The following SAMD4A variants were observed in gnomAD, a reference collection of about 807,000 sequenced individuals.
SAMD4A encodes protein Smaug homolog 1.
A neutral mutation model predicts 81.3 loss-of-function variants in SAMD4A; 33 were observed. The ratio of observed to expected loss-of-function variants is 0.41; its 90% CI spans 0.31 to 0.54. The LOEUF (loss-of-function observed/expected upper bound fraction) is 0.54, where lower values mean the gene tolerates loss of function less well. Among genes scored for constraint, SAMD4A ranks in the 20% least tolerant of loss-of-function variants. The pLI, the probability that SAMD4A is intolerant of heterozygous loss-of-function variation, is 0.37. For missense variants in SAMD4A, 854 were observed against 951.1 expected (o/e 0.90, Z 1.34); for synonymous variants, 389 against 382.1 (o/e 1.02, Z -0.21).
At chr14:54,723,036 G>C (rs1269535397) in intron 3 of SAMD4A, among the ~76,000 whole-genome samples, 6 of 152,028 alleles carry the variant, frequency 3.9e-5, no homozygotes, top group Non-Finnish European at 8.8e-5. Context: ...TCATTTCTGG[G>C]AGAACCATTC....
At chr14:54,713,235 T>C (rs1323224022) in intron 3 of SAMD4A, among the ~76,000 whole-genome samples, 1 of 152,164 alleles carries the variant, frequency 6.6e-6, no homozygotes, top group African/African-American at 2.4e-5. Context: ...TTCACGGTCT[T>C]AGGTACCGAG....
Position 54,737,133 on chromosome 14 carries a change from C to T in SAMD4A, c.825C>T (p.Asp275=), listed in dbSNP as rs1261470363. ...GACATGGATGGATGTCTCATGAGGACTTACGAGCTAGAGGACCCCAGTGCC... is the reference window on the plus strand; with the variant it reads ...GACATGGATGGATGTCTCATGAGGATTTACGAGCTAGAGGACCCCAGTGCC... ...PLGHGWMSHE[D]LRARGPQCLP... The change falls in exon 4 of 13, where the codon GAC becomes GAT. Residue 275 remains aspartate (D), a synonymous_variant. Coordinates refer to ENST00000554335, the MANE Select transcript of SAMD4A (RefSeq NM_015589.6). 3.7e-6 allele frequency: 6 copies of T among 1,614,120 alleles called. No individual in the cohort carries two copies. Among genetic ancestry groups the T allele is most frequent in the Non-Finnish European group, 4.2e-6 (5 of 1,180,012 alleles).
At chr14:54,696,649 C>G (rs1216158234) in intron 2 of SAMD4A, among the ~76,000 whole-genome samples, 3 of 152,178 alleles carry the variant, frequency 2.0e-5, no homozygotes, top group Non-Finnish European at 2.9e-5. Context: ...TAATACCAGA[C>G]TTGGTATTTA....
chr14:54,596,994 A>G (rs763606551), intron 2 of SAMD4A, among the ~76,000 whole-genome samples: 20 of 152,208 alleles, frequency 1.3e-4, no homozygotes, highest in Non-Finnish European at 1.9e-4. Context: ...AGGGAGCCCC[A>G]TGCAGAAGTG....
At chr14:54,608,032 A>G (rs2034260721) in intron 2 of SAMD4A, among the ~76,000 whole-genome samples, 1 of 151,900 alleles carries the variant, frequency 6.6e-6, no homozygotes, top group African/African-American at 2.4e-5. Flanking sequence ...AAAAAAAAAA[A>G]AAAATTGGAA....
At position 54,614,664 on chromosome 14, in the gene SAMD4A, A is replaced by G. The variant is rs113651553; in HGVS notation, c.196+46552A>G. 1.9e-3 allele frequency among the ~76,000 whole-genome samples: 291 copies of G among 152,350 alleles called. 2 individuals are homozygous for G. The highest frequency in any genetic ancestry group is 0.013 in the South Asian group (63 of 4,820). On this transcript the variant is annotated intron_variant, in intron 2 of 12. Coordinates refer to ENST00000554335, the MANE Select transcript of SAMD4A (RefSeq NM_015589.6). Reference sequence around the variant, plus strand: ...CATAAAGTGTTTCAGGTTGCCTATAATAGTTTAATAAAAGCAAGTGGTTTT... The same window carrying G: ...CATAAAGTGTTTCAGGTTGCCTATAGTAGTTTAATAAAAGCAAGTGGTTTT...
At chr14:54,784,814 CCAGT>C (rs1231357755) in intron 12 of SAMD4A, among the ~76,000 whole-genome samples, 194 bp downstream of exon 12, 1 of 152,144 alleles carries the variant, frequency 6.6e-6, no homozygotes, top group East Asian at 1.9e-4. Flanking sequence ...TGCCAAGTGG[CCAGT>C]GCCCTGTTTC....
intron 2 of SAMD4A, among the ~76,000 whole-genome samples, chr14:54,676,097 G>C (rs1294688584): frequency 6.6e-6 from 1 of 152,196 alleles, no homozygotes; most frequent in Non-Finnish European, 1.5e-5. Context: ...TACTAAGAAA[G>C]ATGGAGAACA....
chr14:54,716,867 C>T (rs1047020299), intron 3 of SAMD4A, among the ~76,000 whole-genome samples: 1 of 151,848 alleles, frequency 6.6e-6, no homozygotes, highest in African/African-American at 2.4e-5. Context: ...TATGAAGTTG[C>T]GGGGCAGGGC....
rs183642342 is a variant in SAMD4A, at chr14:54,673,132, C to T, written c.197-28930C>T. On this transcript the variant is annotated intron_variant, in intron 2 of 12. Transcript: ENST00000554335. Reference sequence around the variant, plus strand: ...TCATATTCCTCCAGTGGCTCTTTTCCAGAGCACTATAATCCATGCTTGGAA... The same window carrying T: ...TCATATTCCTCCAGTGGCTCTTTTCTAGAGCACTATAATCCATGCTTGGAA... Among the ~76,000 whole-genome samples, 269 of 152,306 alleles carry T rather than the reference C, an allele frequency of 1.8e-3. 3 individuals are homozygous for T. Among genetic ancestry groups the T allele is most frequent in the Admixed American group, 0.018 (269 of 15,298 alleles).
chr14:54,595,178 C>T (rs1312060454), intron 2 of SAMD4A, among the ~76,000 whole-genome samples: 1 of 152,130 alleles, frequency 6.6e-6, no homozygotes, highest in African/African-American at 2.4e-5. Flanking sequence ...TTTCCCAACA[C>T]AAAGGTCACT....
intron 2 of SAMD4A, among the ~76,000 whole-genome samples, chr14:54,672,245 CCT>C (rs1385879321): frequency 6.6e-6 from 1 of 151,200 alleles, no homozygotes; most frequent in Non-Finnish European, 1.5e-5. Context: ...TGTTTTTTTC[CCT>C]CTTTTAAATT....
chr14:54,566,281 C>T (rs147211204), upstream of SAMD4A, among the ~76,000 whole-genome samples: 1,336 of 151,558 alleles, frequency 8.8e-3, 15 homozygotes, highest in African/African-American at 0.031. Context: ...GCGCAAGGGC[C>T]CCCGAGCCGC....
intron 2 of SAMD4A, among the ~76,000 whole-genome samples, chr14:54,644,167 A>G (rs2035235114): frequency 6.6e-6 from 1 of 152,158 alleles, no homozygotes; most frequent in Non-Finnish European, 1.5e-5. Context: ...TTTCACACAC[A>G]TTTCTTGAAT....
At position 54,788,939 on chromosome 14, in the gene SAMD4A, A is replaced by T; in HGVS notation, c.2152A>T (p.Ile718Phe). ...LGDGVDRTST[I>F] ...AGACGGGGTTGACCGGACCTCCACC[A>T]TCTAGAAGCTGAAGACGAGAGTGAC... The change falls in exon 13 of 13, where the codon ATC becomes TTC. Residue 718 changes from isoleucine (I) to phenylalanine (F), a missense_variant. By Grantham distance (21) the Ile-to-Phe change is conservative (BLOSUM62 0). This residue lies in a region of SAMD4A where 428 missense variants were observed against 471.2 expected (regional missense o/e 0.91). Transcript: ENST00000554335. The T allele has an allele frequency of 6.2e-7, 1 of 1,614,092 alleles. No homozygotes were observed. The highest frequency in any genetic ancestry group is 8.5e-7 in the Non-Finnish European group (1 of 1,179,998).
intron 2 of SAMD4A, among the ~76,000 whole-genome samples, chr14:54,668,020 C>T (rs2035792936): frequency 6.6e-6 from 1 of 152,180 alleles, no homozygotes; most frequent in African/African-American, 2.4e-5. Flanking sequence ...CAGGCTGCCA[C>T]CAGATGCATC....
At chr14:54,657,806 G>T (rs1237293107) in intron 2 of SAMD4A, among the ~76,000 whole-genome samples, 1 of 152,210 alleles carries the variant, frequency 6.6e-6, no homozygotes, top group Non-Finnish European at 1.5e-5. Context: ...AGGTGAGACT[G>T]TCCTATTTGG....
chr14:54,653,312 ATT>A (rs1359680407), intron 2 of SAMD4A, among the ~76,000 whole-genome samples: 1 of 116,206 alleles, frequency 8.6e-6, no homozygotes, highest in African/African-American at 3.4e-5. Flanking sequence ...TATTATTATT[ATT>A]ATTATTATTA....
intron 2 of SAMD4A, among the ~76,000 whole-genome samples, chr14:54,580,868 T>C (rs2140143730): frequency 6.6e-6 from 1 of 152,346 alleles, no homozygotes; most frequent in African/African-American, 2.4e-5. Flanking sequence ...TGAATGAATT[T>C]AAAGAAATTT....
Sources: allele counts gnomAD v4.1 joint callset (sites outside exome capture counted in the v4.1 genomes callset), GRCh38; gene constraint gnomAD v4.1.1; regional missense constraint gnomAD v4.1.1; transcripts MANE v1.5; gene names NCBI Gene and HGNC (gene_info 2026-07-23, HGNC 2026-07-21).